Variants in CCSER1 observed in about 807,000 individuals in gnomAD.
The protein encoded by CCSER1 is serine-rich coiled-coil domain-containing protein 1.
Under a neutral mutation model 82.0 loss-of-function variants are expected in CCSER1, and 41 were observed. The observed-to-expected ratio is 0.50, with a 90% CI of 0.39 to 0.65. The LOEUF (loss-of-function observed/expected upper bound fraction) is 0.65. Among genes scored for constraint, CCSER1 ranks in the 30% least tolerant of loss-of-function variants. The pLI is 0.00. For synonymous variants in CCSER1, 414 were observed against 383.9 expected (o/e 1.08, Z -0.92); for missense variants, 1,119 against 1,064.2 (o/e 1.05, Z -0.72).
At chr4:91,448,561 T>A (rs1462679667) in intron 10 of CCSER1, among the ~76,000 whole-genome samples, 1 of 152,076 alleles carries the variant, frequency 6.6e-6, no homozygotes, top group Non-Finnish European at 1.5e-5. Context: ...TAAGAGTGTT[T>A]CTATATTTTT....
chr4:90,352,343 AAAACAAAACAAAACAAAT>A (rs1380563451), intron 3 of CCSER1, among the ~76,000 whole-genome samples: 2 of 151,644 alleles, frequency 1.3e-5, no homozygotes, highest in Admixed American at 1.3e-4. Context: ...AAAAACCAAA[AAAACAAAACAAAACAAAT>A]AAACAAAAAA....
chr4:91,369,205 G>C (rs1749843970), intron 10 of CCSER1, among the ~76,000 whole-genome samples: 1 of 152,144 alleles, frequency 6.6e-6, no homozygotes, highest in South Asian at 2.1e-4. Flanking sequence ...GGTTGTTTCA[G>C]TACTTTTGTT....
intron 7 of CCSER1, among the ~76,000 whole-genome samples, chr4:90,776,124 G>C (rs1042028061): frequency 6.6e-6 from 1 of 151,940 alleles, no homozygotes; most frequent in Admixed American, 6.6e-5. Flanking sequence ...AATAATTCTT[G>C]GATACAACAG....
At chr4:90,131,871 T>C (rs1242158727) in intron 1 of CCSER1, among the ~76,000 whole-genome samples, 1 of 152,162 alleles carries the variant, frequency 6.6e-6, no homozygotes, top group African/African-American at 2.4e-5. Flanking sequence ...TGTATATAGG[T>C]TGATTTTAGA....
intron 10 of CCSER1, among the ~76,000 whole-genome samples, chr4:91,380,172 T>C (rs1750769361): frequency 6.6e-6 from 1 of 152,202 alleles, no homozygotes; most frequent in African/African-American, 2.4e-5. Context: ...TCCAACTATG[T>C]GGTCAATTTT....
At chr4:91,349,968 A>T (rs1477032850) in intron 10 of CCSER1, among the ~76,000 whole-genome samples, 1 of 152,026 alleles carries the variant, frequency 6.6e-6, no homozygotes, top group South Asian at 2.1e-4. Context: ...AGGGAGCAAT[A>T]TATTGCCCTT....
chr4:90,966,140 A>G (rs1419503099), intron 9 of CCSER1, among the ~76,000 whole-genome samples: 1 of 151,838 alleles, frequency 6.6e-6, no homozygotes, highest in African/African-American at 2.4e-5. Context: ...GAAGTGTATC[A>G]ACATACACAT....
At chr4:91,073,927 G>A (rs1440727258) in intron 9 of CCSER1, among the ~76,000 whole-genome samples, 2 of 151,942 alleles carry the variant, frequency 1.3e-5, no homozygotes, top group East Asian at 3.9e-4. Context: ...TTTTTACCAG[G>A]CAAGCAAAGA....
intron 10 of CCSER1, among the ~76,000 whole-genome samples, chr4:91,210,191 T>C (rs1294006608): frequency 1.3e-5 from 2 of 151,516 alleles, no homozygotes; most frequent in Non-Finnish European, 3.0e-5. Flanking sequence ...AAATGCTATT[T>C]ATAACATTAT....
At chr4:90,882,025 T>G (rs929093928) in intron 8 of CCSER1, among the ~76,000 whole-genome samples, 2 of 152,054 alleles carry the variant, frequency 1.3e-5, no homozygotes, top group African/African-American at 4.8e-5. Flanking sequence ...ATCTAGTAAT[T>G]TCAAAGAATA....
chr4:90,371,279 A>T (rs1050849692), intron 3 of CCSER1, among the ~76,000 whole-genome samples: 1 of 152,086 alleles, frequency 6.6e-6, no homozygotes, highest in Non-Finnish European at 1.5e-5. Flanking sequence ...TTTTTAAAAT[A>T]ACAAATTGTG....
intron 3 of CCSER1, among the ~76,000 whole-genome samples, chr4:90,315,563 G>A (rs1736024706): frequency 6.6e-6 from 1 of 152,052 alleles, no homozygotes; most frequent in South Asian, 2.1e-4. Context: ...GGAGTGCAGT[G>A]GTGCAGTCTC....
At chr4:90,665,895 G>A (rs1731688224) in intron 6 of CCSER1, among the ~76,000 whole-genome samples, 1 of 152,146 alleles carries the variant, frequency 6.6e-6, no homozygotes, top group African/African-American at 2.4e-5. Context: ...TGGACCTTCT[G>A]ACAGTGGGAG....
chr4:91,280,556 C>G (rs965675672), intron 10 of CCSER1, among the ~76,000 whole-genome samples: 6 of 152,122 alleles, frequency 3.9e-5, no homozygotes, highest in Non-Finnish European at 7.4e-5. Context: ...CCCCAGAACC[C>G]TGGTGAAATG....
chr4:91,278,070 A>G (rs1367340499), intron 10 of CCSER1, among the ~76,000 whole-genome samples: 3 of 152,012 alleles, frequency 2.0e-5, no homozygotes, highest in African/African-American at 7.2e-5. Context: ...ATTTTTAAAA[A>G]TTTGTTGGGG....
intron 1 of CCSER1, among the ~76,000 whole-genome samples, chr4:90,220,235 T>C (rs1410112778): frequency 6.6e-6 from 1 of 152,154 alleles, no homozygotes; most frequent in Non-Finnish European, 1.5e-5. Context: ...AGATAGGACT[T>C]GGTACTATCT....
At chr4:90,388,966 A>G (rs1161913773) in intron 3 of CCSER1, among the ~76,000 whole-genome samples, 1 of 152,210 alleles carries the variant, frequency 6.6e-6, no homozygotes, top group African/African-American at 2.4e-5. Context: ...TAAATTAGTA[A>G]GATGTTTATC....
intron 9 of CCSER1, among the ~76,000 whole-genome samples, chr4:90,961,234 C>T (rs1301380865): frequency 6.6e-6 from 1 of 152,088 alleles, no homozygotes; most frequent in African/African-American, 2.4e-5. Context: ...CCCAGATCCC[C>T]TTCTTTTCCC....
At chr4:91,089,604 C>T (rs960142896) in intron 10 of CCSER1, among the ~76,000 whole-genome samples, 1 of 152,182 alleles carries the variant, frequency 6.6e-6, no homozygotes, top group Non-Finnish European at 1.5e-5. Flanking sequence ...TATACTTGTG[C>T]TGAAGCATTC....
Sources: gnomAD v4.1 joint callset for allele counts (sites outside exome capture counted in the v4.1 genomes callset) on GRCh38, gnomAD v4.1.1 for gene constraint, MANE v1.5 for transcripts, NCBI Gene and HGNC (gene_info 2026-07-23, HGNC 2026-07-21) for gene names.